CACNB2: variants seen among roughly 807,000 people sequenced by gnomAD.
The protein encoded by CACNB2 is voltage-dependent L-type calcium channel subunit beta-2.
In CACNB2, 42 loss-of-function variants were observed where a neutral mutation model predicts 73.3. The ratio of observed to expected loss-of-function variants is 0.57; its 90% CI spans 0.45 to 0.74. CACNB2 has a LOEUF of 0.74. Ranked by LOEUF, CACNB2 falls within the 30% of genes least tolerant of loss-of-function variation. The pLI, the probability that CACNB2 is intolerant of heterozygous loss-of-function variation, is 0.00. For missense variants in CACNB2, 940 were observed against 853.0 expected, an observed-to-expected ratio of 1.10 and a Z score of -1.27; for synonymous variants, 348 against 310.3, an observed-to-expected ratio of 1.12 and a Z score of -1.28.
chr10:18,249,511 C>T (rs1033184012), intron 2 of CACNB2, among the ~76,000 whole-genome samples: 1 of 152,204 alleles, frequency 6.6e-6, no homozygotes, highest in Admixed American at 6.5e-5. Flanking sequence ...GTTCACCTCG[C>T]TCTCTTTATT....
chr10:18,157,366 C>A lies in CACNB2; in HGVS notation c.213+6391C>A, dbSNP rs150817181. 6.3e-3 allele frequency among the ~76,000 whole-genome samples: 954 copies of A among 152,266 alleles called. 7 individuals carry two copies. The highest frequency in any genetic ancestry group is 0.022 in the African/African-American group (916 of 41,564). On this transcript the variant is annotated intron_variant, in intron 2 of 13. Transcript: ENST00000324631. ...GTAACTGAATCTTTCTGTACAGCAG[C>A]TTTTTCCTCTGGAAAAAAAATGCTT...
At chr10:18,526,971 C>G (rs1179322347) in intron 9 of CACNB2, among the ~76,000 whole-genome samples, 1 of 152,148 alleles carries the variant, frequency 6.6e-6, no homozygotes, top group Non-Finnish European at 1.5e-5. Flanking sequence ...TCATCAGCAA[C>G]AGTGGGATAA....
At chr10:18,379,563 A>AT (rs1160742284) in intron 2 of CACNB2, among the ~76,000 whole-genome samples, 2 of 151,992 alleles carry the variant, frequency 1.3e-5, no homozygotes, top group Non-Finnish European at 2.9e-5. Flanking sequence ...AATCCATCAC[A>AT]TTGTCGTACA....
Position 18,311,260 on chromosome 10 carries a change from A to G in CACNB2, c.214-90664A>G, listed in dbSNP as rs545202899. On this transcript the variant is annotated intron_variant, in intron 2 of 13. Transcript: ENST00000324631. ...CATCCATATTTGTGAATGATTGACT[A>G]CTTTGGTTCATTATAGGCAGGTGGC... 9.9e-5 allele frequency among the ~76,000 whole-genome samples: 15 copies of G among 152,240 alleles called. No individual in the cohort carries two copies. The South Asian group carries it at 3.1e-3, about 32-fold the overall frequency.
At chr10:18,290,121 T>C (rs1442856506) in intron 2 of CACNB2, among the ~76,000 whole-genome samples, 3 of 125,900 alleles carry the variant, frequency 2.4e-5, no homozygotes, top group African/African-American at 6.8e-5. Flanking sequence ...TCTTTTTTTT[T>C]TTTTTTTTTT....
At chr10:18,217,186 A>G (rs577612213) in intron 2 of CACNB2, among the ~76,000 whole-genome samples, 1 of 152,264 alleles carries the variant, frequency 6.6e-6, no homozygotes, top group South Asian at 2.1e-4. Flanking sequence ...CTATAAACAA[A>G]TACTATAAAT....
chr10:18,314,222 T>C (rs1214503540), intron 2 of CACNB2, among the ~76,000 whole-genome samples: 1 of 152,236 alleles, frequency 6.6e-6, no homozygotes, highest in African/African-American at 2.4e-5. Flanking sequence ...AACCATAATG[T>C]ATTACTGTTA....
chr10:18,325,326 A>G (rs1279276550), intron 2 of CACNB2, among the ~76,000 whole-genome samples: 1 of 152,032 alleles, frequency 6.6e-6, no homozygotes, highest in Non-Finnish European at 1.5e-5. Context: ...GGTAGCTGGG[A>G]CTACAGGCAT....
intron 2 of CACNB2, among the ~76,000 whole-genome samples, chr10:18,174,703 C>T (rs2033477300): frequency 6.6e-6 from 1 of 152,096 alleles, no homozygotes; most frequent in Non-Finnish European, 1.5e-5. Context: ...CATGCCGGGC[C>T]AAGACATTTT....
chr10:18,162,534 T>C (rs2032543007), intron 2 of CACNB2, among the ~76,000 whole-genome samples: 1 of 152,204 alleles, frequency 6.6e-6, no homozygotes, highest in African/African-American at 2.4e-5. Context: ...AGAATGTGTT[T>C]AAGGAGTAAA....
At chr10:18,230,365 G>T (rs2131444372) in intron 2 of CACNB2, among the ~76,000 whole-genome samples, 1 of 152,272 alleles carries the variant, frequency 6.6e-6, no homozygotes, top group East Asian at 1.9e-4. Flanking sequence ...CACTCAAGTT[G>T]CCTGTTCCCT....
At chr10:18,297,606 G>A (rs149817642) in intron 2 of CACNB2, among the ~76,000 whole-genome samples, 68 of 152,244 alleles carry the variant, frequency 4.5e-4, no homozygotes, top group African/African-American at 1.6e-3. Context: ...AACATTTCCA[G>A]GCCGACTGAA....
intron 2 of CACNB2, among the ~76,000 whole-genome samples, chr10:18,235,282 G>A (rs1006946447): frequency 6.6e-6 from 1 of 151,898 alleles, no homozygotes; most frequent in Non-Finnish European, 1.5e-5. Flanking sequence ...GCAAGACCCA[G>A]TCCCTATAAA....
intron 2 of CACNB2, among the ~76,000 whole-genome samples, chr10:18,210,652 C>T (rs1182269342): frequency 6.6e-6 from 1 of 152,150 alleles, no homozygotes; most frequent in Non-Finnish European, 1.5e-5. Context: ...CAATAAAGGA[C>T]TCTACCTCCT....
intron 3 of CACNB2, among the ~76,000 whole-genome samples, chr10:18,489,928 A>G (rs1660684890): frequency 6.6e-6 from 1 of 152,124 alleles, no homozygotes; most frequent in East Asian, 1.9e-4. Context: ...CCCAGGCTGG[A>G]GTGCAGTGGC....
intron 2 of CACNB2, among the ~76,000 whole-genome samples, chr10:18,170,767 T>C (rs916119311): frequency 2.4e-4 from 36 of 152,252 alleles, no homozygotes; most frequent in Non-Finnish European, 1.8e-4. Context: ...TAGAAACCAA[T>C]ACGTTGTATT....
intron 2 of CACNB2, among the ~76,000 whole-genome samples, chr10:18,175,390 A>G (rs1294502200): frequency 6.6e-6 from 1 of 152,178 alleles, no homozygotes; most frequent in Non-Finnish European, 1.5e-5. Context: ...TCGCATATAA[A>G]ATAACGAAGA....
Position 18,539,248 on chromosome 10 carries a change from A to T in CACNB2, c.1507A>T (p.Arg503Trp). 6.2e-7 allele frequency: 1 copy of T among 1,614,042 alleles called. No homozygotes were observed. The highest frequency in any genetic ancestry group is 8.5e-7 in the Non-Finnish European group (1 of 1,179,978). The change falls in exon 14 of 14, where the codon AGG (arginine) becomes TGG (tryptophan). Residue 503 changes from arginine (R) to tryptophan (W), a missense_variant. Transcript: ENST00000324631. ...CTGCCAGGGTTCTCAAGGTGATCAG[A>T]GGACTGATCGCTCCGCTCCTATCCG... ...SNSQGSQGDQ[R>W]TDRSAPIRSA...
chr10:18,219,303 TTC>T (rs1306521780), intron 2 of CACNB2, among the ~76,000 whole-genome samples: 1 of 152,220 alleles, frequency 6.6e-6, no homozygotes, highest in African/African-American at 2.4e-5. Flanking sequence ...GCAGTCATTG[TTC>T]TCTGAGGGTG....
Sources: gnomAD v4.1 joint callset for allele counts (sites outside exome capture counted in the v4.1 genomes callset) on GRCh38, gnomAD v4.1.1 for gene constraint, MANE v1.5 for transcripts, NCBI Gene and HGNC (gene_info 2026-07-23, HGNC 2026-07-21) for gene names.